The following PPP2R5D variants were observed in gnomAD, a reference collection of about 807,000 sequenced individuals.
The protein encoded by PPP2R5D is protein phosphatase 2 regulatory subunit B'delta, also known as serine/threonine-protein phosphatase 2A 56 kDa regulatory subunit delta isoform.
PPP2R5D carries 12 observed loss-of-function variants against 79.1 expected under a neutral mutation model. The ratio of observed to expected loss-of-function variants is 0.15; its 90% confidence interval spans 0.10 to 0.25. PPP2R5D has a LOEUF of 0.25. Among genes scored for constraint, PPP2R5D ranks in the 10% least tolerant of loss-of-function variants. The pLI, the probability that PPP2R5D is intolerant of heterozygous loss-of-function variation, is 1.00. For missense variants in PPP2R5D, 419 were observed against 760.2 expected, an observed-to-expected ratio of 0.55 and a Z score of 5.28; for synonymous variants, 277 against 286.6, an observed-to-expected ratio of 0.97 and a Z score of 0.34.
In PPP2R5D at chr6:43,009,840, C is replaced by T. The variant is rs938220447; in HGVS notation, c.1379+391C>T. Among the ~76,000 whole-genome samples, 7 of 152,078 alleles carry T rather than the reference C, an allele frequency of 4.6e-5. No individual in the cohort carries two copies. The highest frequency in any genetic ancestry group is 1.0e-4 in the Non-Finnish European group (7 of 68,018). ...CTAGCACTTTGGGAGGCTGGCAAGG[C>T]GGGTGGATCACGAGGTCAGGAGTTT... On this transcript the variant is annotated intron_variant, in intron 12 of 15. Transcript: ENST00000485511. This position sits in a 1 kb window ranked among gnomAD's most constrained non-coding sequence, Gnocchi z 5.6.
chr6:43,009,355 G>C lies in PPP2R5D; in HGVS notation c.1285G>C (p.Glu429Gln), dbSNP rs1317721385. The C allele has an allele frequency of 6.2e-7, 1 of 1,614,060 alleles. No individual in the cohort carries two copies. The highest frequency in any genetic ancestry group is 8.5e-7 in the Non-Finnish European group (1 of 1,180,016). Residue 429 changes from glutamate (E) to glutamine (Q), a missense_variant, in exon 12 of 16, where the codon GAG becomes CAG. By Grantham distance (29) the Glu-to-Gln change is conservative. Coordinates refer to ENST00000485511, the MANE Select transcript of PPP2R5D (RefSeq NM_006245.4). The surrounding 1 kb of genome is among the most constrained non-coding windows in gnomAD (Gnocchi z 5.6). ...AERALYYWNN[E>Q]YIMSLISDNA... is the part of the protein sequence containing the mutation. ...GCGTGCTCTCTATTACTGGAACAAT[G>C]AGTACATCATGAGCCTGATAAGTGA...
chr6:42,992,937 G>C (rs1302748648), intron 2 of PPP2R5D, among the ~76,000 whole-genome samples: 1 of 151,904 alleles, frequency 6.6e-6, no homozygotes, highest in Non-Finnish European at 1.5e-5. Context: ...GAGGCAGGTG[G>C]ATCACCTGAG....
chr6:42,984,632 G>A lies in PPP2R5D; in HGVS notation c.-46G>A, dbSNP rs1396501547. The A allele has an allele frequency of 8.3e-6, 13 of 1,572,152 alleles. No individual in the cohort carries two copies. The highest frequency in any genetic ancestry group is 2.7e-5 in the African/African-American group (2 of 72,904). On this transcript the variant is annotated 5_prime_UTR_variant, in exon 1 of 16. Coordinates refer to ENST00000485511, the MANE Select transcript of PPP2R5D (RefSeq NM_006245.4). ...CCGAGTGCGGCCGAGCAAAGCCGGAGCCGGAGCGGGGCCGCAGGAGACGGG... is the reference window on the plus strand; with the variant it reads ...CCGAGTGCGGCCGAGCAAAGCCGGAACCGGAGCGGGGCCGCAGGAGACGGG...
intron 2 of PPP2R5D, among the ~76,000 whole-genome samples, chr6:42,996,413 G>T (rs1214497159): frequency 6.6e-6 from 1 of 151,050 alleles, no homozygotes; most frequent in African/African-American, 2.4e-5. Flanking sequence ...GCAGTGAGCC[G>T]AGATGGCGCC....
intron 2 of PPP2R5D, among the ~76,000 whole-genome samples, chr6:43,001,550 T>A (rs1772206718): frequency 6.6e-6 from 1 of 152,002 alleles, no homozygotes; most frequent in Non-Finnish European, 1.5e-5. Flanking sequence ...TGGGAAATAA[T>A]AGTAATAGTA....
rs3833663 is a variant in PPP2R5D, at chr6:43,011,534, TG to T, written c.*252del. 8.8e-5 allele frequency: 47 copies of T among 536,822 alleles called. No individual in the cohort carries two copies. In the East Asian group the frequency reaches 1.5e-3, roughly 17 times the overall value. 33.3% of individuals were successfully genotyped at this position (536,822 alleles called of 1,614,324 possible). A position where few individuals can be genotyped will look rare whatever the true frequency, so the allele number is the denominator to read the frequency against. ...TAAGATGCTTAGTGCTCAGACAACC[TG>T]GGGATGCCTGTCCCCTACCTGCTCC... On this transcript the variant is annotated 3_prime_UTR_variant, in exon 16 of 16. Coordinates refer to ENST00000485511, the MANE Select transcript of PPP2R5D (RefSeq NM_006245.4).
chr6:43,007,309 A>G lies in PPP2R5D; in HGVS notation c.633+3A>G, dbSNP rs1400054629. ...AAGCTGCTTGGCCACATCTCCAGGTACCAGGGCAAGGGGGCAGATTGGCCG... is the reference window on the plus strand; with the variant it reads ...AAGCTGCTTGGCCACATCTCCAGGTGCCAGGGCAAGGGGGCAGATTGGCCG... On this transcript the variant is annotated splice_donor_region_variant and intron_variant, in intron 5 of 15. Coordinates refer to ENST00000485511, the MANE Select transcript of PPP2R5D (RefSeq NM_006245.4). The surrounding 1 kb of genome is among the most constrained non-coding windows in gnomAD (Gnocchi z 4.5). 6.2e-7 allele frequency: 1 copy of G among 1,613,738 alleles called. No individual in the cohort carries two copies. Among genetic ancestry groups the G allele is most frequent in the East Asian group, 2.2e-5 (1 of 44,888 alleles).
chr6:42,990,043 T>A (rs1771150460), intron 2 of PPP2R5D, among the ~76,000 whole-genome samples: 1 of 152,022 alleles, frequency 6.6e-6, no homozygotes, highest in African/African-American at 2.4e-5. Context: ...ACAAGTGACT[T>A]CAGCATGGCT....
intron 2 of PPP2R5D, among the ~76,000 whole-genome samples, chr6:42,999,859 C>T (rs1178285659): frequency 3.9e-5 from 6 of 152,044 alleles, no homozygotes; most frequent in Admixed American, 3.9e-4. Flanking sequence ...CCATGCCTGG[C>T]CATTGGTGGA....
intron 2 of PPP2R5D, among the ~76,000 whole-genome samples, chr6:42,991,444 C>T (rs1771257829): frequency 6.6e-6 from 1 of 152,200 alleles, no homozygotes; most frequent in African/African-American, 2.4e-5. Flanking sequence ...CCACCCCTAT[C>T]CCCAGGACCT....
At position 43,011,513 on chromosome 6, in the gene PPP2R5D, A is replaced by G; in HGVS notation, c.*227A>G. The stretch of plus-strand genomic sequence containing the variant: ...TGGCTAGTACAGGCTGAGCACTAAG[A>G]TGCTTAGTGCTCAGACAACCTGGGG... On this transcript the variant is annotated 3_prime_UTR_variant, in exon 16 of 16. Coordinates refer to ENST00000485511, the MANE Select transcript of PPP2R5D (RefSeq NM_006245.4). The G allele has an allele frequency of 1.7e-6, 1 of 588,970 alleles. No individual in the cohort carries two copies. Among genetic ancestry groups the G allele is most frequent in the Non-Finnish European group, 3.0e-6 (1 of 337,634 alleles). The allele number at this position is 588,970 out of a possible 1,614,324, so 36.5% of individuals were successfully genotyped here.
intron 2 of PPP2R5D, among the ~76,000 whole-genome samples, chr6:42,999,315 G>A (rs182304697): frequency 3.3e-5 from 5 of 152,302 alleles, no homozygotes; most frequent in East Asian, 3.9e-4. Flanking sequence ...AATAGACAGC[G>A]GATACCTCAT....
At chr6:42,987,482 A>G (rs949890212) in intron 1 of PPP2R5D, among the ~76,000 whole-genome samples, 3 of 152,000 alleles carry the variant, frequency 2.0e-5, no homozygotes, top group African/African-American at 7.3e-5. Flanking sequence ...GTGCTGAGGG[A>G]AGAGGGTATT....
rs115783325 is a variant in PPP2R5D, at chr6:43,004,590, G to T, written c.106-1873G>T. Among the ~76,000 whole-genome samples the T allele has an allele frequency of 8.5e-3, 883 of 104,192 alleles. 12 individuals are homozygous for T. Among genetic ancestry groups the T allele is most frequent in the African/African-American group, 0.033 (827 of 25,374 alleles). The allele number at this position is 104,192 out of a possible 152,430, so 68.4% of individuals were successfully genotyped here. On this transcript the variant is annotated intron_variant, in intron 2 of 15. Coordinates refer to ENST00000485511, the MANE Select transcript of PPP2R5D (RefSeq NM_006245.4). ...CCTACTTTTTTTTTTTTTTTTTTGA[G>T]ATTTAGATATTATCAATTGACTTTC...
Position 43,009,521 on chromosome 6 carries a change from G to T in PPP2R5D, c.1379+72G>T, listed in dbSNP as rs906452959. ...ACTTTGAGGGTATGGAAGAACTAAA[G>T]AGCCAGGGGTCTCACCTAGTCACCC... On this transcript the variant is annotated intron_variant, in intron 12 of 15. Transcript: ENST00000485511. The surrounding 1 kb of genome is among the most constrained non-coding windows in gnomAD (Gnocchi z 5.6). 6 of 1,596,570 alleles carry T rather than the reference G, an allele frequency of 3.8e-6. No homozygotes were observed. In the Admixed American group the frequency reaches 1.0e-4, roughly 27 times the overall value.
At chr6:42,999,162 G>T (rs1771999800) in intron 2 of PPP2R5D, among the ~76,000 whole-genome samples, 2 of 144,094 alleles carry the variant, frequency 1.4e-5, no homozygotes, top group African/African-American at 5.9e-5. Flanking sequence ...AAGCTTCTCA[G>T]GGGACTCACT....
chr6:43,009,838 G>A lies in PPP2R5D; in HGVS notation c.1379+389G>A, dbSNP rs770687974. On this transcript the variant is annotated intron_variant, in intron 12 of 15. Coordinates refer to ENST00000485511, the MANE Select transcript of PPP2R5D (RefSeq NM_006245.4). The surrounding 1 kb of genome is among the most constrained non-coding windows in gnomAD (Gnocchi z 5.6). ...TCCTAGCACTTTGGGAGGCTGGCAA[G>A]GCGGGTGGATCACGAGGTCAGGAGT... 3.9e-5 allele frequency among the ~76,000 whole-genome samples: 6 copies of A among 152,154 alleles called. No homozygotes were observed. Among genetic ancestry groups the A allele is most frequent in the Non-Finnish European group, 8.8e-5 (6 of 68,022 alleles).
Position 43,012,328 on chromosome 6 carries a change from G to A in PPP2R5D, c.*1042G>A. 1.4e-6 allele frequency: 2 copies of A among 1,470,612 alleles called. No individual in the cohort carries two copies. Among genetic ancestry groups the A allele is most frequent in the Non-Finnish European group, 1.8e-6 (2 of 1,111,992 alleles). The allele number at this position is 1,470,612 out of a possible 1,614,324, so 91.1% of individuals were successfully genotyped here. ...CCCCATATGTACAGAACTGAATAAA[G>A]TGGGTCTCTGAGAAGTCTGATGTGC... On this transcript the variant is annotated 3_prime_UTR_variant, in exon 16 of 16. Transcript: ENST00000485511.
Position 43,007,972 on chromosome 6 carries a change from G to A in PPP2R5D, c.764G>A (p.Arg255Gln), listed in dbSNP as rs1762179656. Residue 255 changes from arginine to glutamine, a missense_variant, in exon 7 of 16, where the codon CGG (arginine) becomes CAG (glutamine). Around this residue, in one of 5 missense-constraint regions of PPP2R5D, gnomAD observed 196 missense variants for 424.5 expected, o/e 0.46. Transcript: ENST00000485511. The surrounding 1 kb of genome is among the most constrained non-coding windows in gnomAD (Gnocchi z 4.5). ...DLFDSEDPRE[R>Q]DFLKTILHRI... ...TTTGACAGTGAGGATCCTCGAGAGC[G>A]GGACTTCCTCAAGACCATTTTGCAT... 2 of 1,614,106 alleles carry A rather than the reference G, an allele frequency of 1.2e-6. No individual in the cohort carries two copies. The highest frequency in any genetic ancestry group is 1.7e-6 in the Non-Finnish European group (2 of 1,180,022).
Sources: gnomAD v4.1 joint callset for allele counts (sites outside exome capture counted in the v4.1 genomes callset) on GRCh38, gnomAD v4.1.1 for gene constraint, gnomAD v4.1.1 regional missense constraint, Gnocchi (gnomAD v3.1) non-coding constraint, MANE v1.5 for transcripts, NCBI Gene and HGNC (gene_info 2026-07-23, HGNC 2026-07-21) for gene names.